The following ERC2 variants were observed in gnomAD, a reference collection of about 807,000 sequenced individuals.
ERC2 encodes the protein ERC protein 2.
Under a neutral mutation model 114.8 loss-of-function variants are expected in ERC2, and 42 were observed. That is an observed-to-expected ratio of 0.37 (90% CI 0.29 to 0.47). The LOEUF is 0.47. ERC2 is among the 20% of genes least tolerant of loss of function. The pLI is 0.99. For missense variants in ERC2, 939 were observed against 1,150.7 expected (o/e 0.82, Z 2.66); for synonymous variants, 454 against 425.5 (o/e 1.07, Z -0.82).
intron 3 of ERC2, among the ~76,000 whole-genome samples, chr3:56,267,046 C>G (rs1237972703): frequency 1.3e-5 from 2 of 152,090 alleles, no homozygotes; most frequent in Non-Finnish European, 2.9e-5. Context: ...TGCTTGGGAC[C>G]AGAAGCATTT....
intron 17 of ERC2, among the ~76,000 whole-genome samples, chr3:55,533,379 C>A (rs1286988574): frequency 2.0e-5 from 3 of 152,182 alleles, no homozygotes; most frequent in Non-Finnish European, 4.4e-5. Flanking sequence ...CGGAATGATA[C>A]TGACAGTATT....
intron 14 of ERC2, among the ~76,000 whole-genome samples, chr3:55,770,347 G>A (rs2068102282): frequency 1.3e-5 from 2 of 152,138 alleles, no homozygotes; most frequent in African/African-American, 2.4e-5. Context: ...TGTTTGACTT[G>A]CATGGAATTT....
chr3:55,738,347 A>ATT (rs575565088), intron 14 of ERC2, among the ~76,000 whole-genome samples: 1 of 152,206 alleles, frequency 6.6e-6, no homozygotes, highest in African/African-American at 2.4e-5. Context: ...TGAATAAGAC[A>ATT]TTTTTTAACT....
intron 17 of ERC2, among the ~76,000 whole-genome samples, chr3:55,653,813 C>T (rs1056705660): frequency 6.6e-6 from 1 of 152,202 alleles, no homozygotes; most frequent in Non-Finnish European, 1.5e-5. Context: ...ACTATTGGTG[C>T]GCTCTCTATG....
At chr3:56,338,173 G>A (rs145284547) in intron 2 of ERC2, among the ~76,000 whole-genome samples, 50 of 152,344 alleles carry the variant, frequency 3.3e-4, no homozygotes, top group Non-Finnish European at 5.9e-4. Flanking sequence ...GTAGGGGGTT[G>A]TGACAGGAAA....
At chr3:56,402,252 T>C (rs369974964) in intron 2 of ERC2, among the ~76,000 whole-genome samples, 13 of 152,334 alleles carry the variant, frequency 8.5e-5, no homozygotes, top group African/African-American at 3.1e-4. Flanking sequence ...AATGCACTTT[T>C]AATTACATGC....
intron 14 of ERC2, among the ~76,000 whole-genome samples, chr3:55,855,694 CA>C (rs746644788): frequency 1.3e-5 from 2 of 152,140 alleles, no homozygotes; most frequent in Non-Finnish European, 2.9e-5. Flanking sequence ...CCCATTAAAA[CA>C]TTAAAGGAAA....
chr3:56,283,478 T>A (rs568271436), intron 3 of ERC2, among the ~76,000 whole-genome samples: 65 of 152,188 alleles, frequency 4.3e-4, no homozygotes, highest in African/African-American at 1.5e-3. Flanking sequence ...AATAAAAAAA[T>A]AAAAAGTCAT....
chr3:55,709,911 T>C (rs1277671597), intron 15 of ERC2, among the ~76,000 whole-genome samples: 1 of 151,986 alleles, frequency 6.6e-6, no homozygotes, highest in East Asian at 1.9e-4. Flanking sequence ...AACAAATCCC[T>C]CTCCCCAGCT....
At chr3:55,886,849 G>T (rs557503286) in intron 14 of ERC2, among the ~76,000 whole-genome samples, 1 of 152,318 alleles carries the variant, frequency 6.6e-6, no homozygotes, top group African/African-American at 2.4e-5. Context: ...TAATATCGCA[G>T]ATACTTAAAA....
rs180907976 is a variant in ERC2 at position 55,605,861 on chromosome 3, T to C, written c.*39+77933A>G. On this transcript the variant is annotated intron_variant, in intron 17 of 17. Transcript: ENST00000288221. ...TGAACATATCTACTGTAAAAGCAAG[T>C]AGATTCAAACTCTCTTCCTAGGAGG... Among the ~76,000 whole-genome samples, 682 of 152,302 alleles carry C rather than the reference T, an allele frequency of 4.5e-3. 10 individuals carry two copies. The highest frequency in any genetic ancestry group is 0.016 in the African/African-American group (659 of 41,564).
intron 1 of ERC2, among the ~76,000 whole-genome samples, chr3:56,466,198 T>C (rs759182731): frequency 5.3e-5 from 8 of 152,244 alleles, no homozygotes; most frequent in African/African-American, 1.7e-4. Context: ...AATACTGCTT[T>C]GACAAACCCG....
intron 10 of ERC2, among the ~76,000 whole-genome samples, chr3:56,005,850 T>C (rs971168136): frequency 1.3e-5 from 2 of 152,106 alleles, no homozygotes. Context: ...TCCCTTAATA[T>C]GCATATCATA....
intron 13 of ERC2, among the ~76,000 whole-genome samples, chr3:55,948,383 C>T (rs2067266638): frequency 1.3e-5 from 2 of 152,156 alleles, no homozygotes; most frequent in Admixed American, 1.3e-4. Flanking sequence ...GCTTAACAGG[C>T]TAACTTGTAA....
chr3:56,087,609 A>C (rs2077571465), intron 6 of ERC2, among the ~76,000 whole-genome samples: 1 of 152,130 alleles, frequency 6.6e-6, no homozygotes, highest in Admixed American at 6.6e-5. Flanking sequence ...AGAAAAAAAC[A>C]CCTGAGGGAG....
At position 56,318,961 on chromosome 3, in the gene ERC2, CAA is replaced by C. The variant is rs35256298; in HGVS notation, c.658-22528_658-22527del. Among the ~76,000 whole-genome samples the C allele has an allele frequency of 1.6e-3, 133 of 81,560 alleles. 1 individual carries two copies. Among genetic ancestry groups the C allele is most frequent in the Admixed American group, 6.4e-3 (50 of 7,846 alleles). The allele number at this position is 81,560 out of a possible 152,430, so 53.5% of individuals were successfully genotyped here. On this transcript the variant is annotated intron_variant, in intron 2 of 17. Coordinates refer to ENST00000288221, the MANE Select transcript of ERC2 (RefSeq NM_015576.3). Reference sequence around the variant, plus strand: ...TGGGTGACACAGTAAGACCCTGTCTCAAAAAAAAAAAAAAAAAAAAAGATAAC... The same window carrying C: ...TGGGTGACACAGTAAGACCCTGTCTCAAAAAAAAAAAAAAAAAAAGATAAC...
chr3:55,828,217 C>G (rs551571570), intron 14 of ERC2, among the ~76,000 whole-genome samples: 12 of 152,246 alleles, frequency 7.9e-5, no homozygotes, highest in African/African-American at 1.2e-4. Flanking sequence ...TGGCCCACCA[C>G]AGACCAGCTC....
intron 10 of ERC2, among the ~76,000 whole-genome samples, chr3:55,998,209 TATAA>T (rs1472587122): frequency 2.6e-5 from 4 of 151,972 alleles, no homozygotes; most frequent in Non-Finnish European, 5.9e-5. Flanking sequence ...TATAAATAAA[TATAA>T]ATAAATATTC....
chr3:56,216,604 A>G (rs1276680201), intron 3 of ERC2, among the ~76,000 whole-genome samples: 1 of 152,208 alleles, frequency 6.6e-6, no homozygotes, highest in Non-Finnish European at 1.5e-5. Context: ...AACTATTCCC[A>G]TCAATAGAAA....
Sources: gnomAD v4.1 joint callset for allele counts (sites outside exome capture counted in the v4.1 genomes callset) on GRCh38, gnomAD v4.1.1 for gene constraint, MANE v1.5 for transcripts, NCBI Gene and HGNC (gene_info 2026-07-23, HGNC 2026-07-21) for gene names.